SRGAP1: variants seen among roughly 807,000 people sequenced by gnomAD.
SRGAP1 encodes SLIT-ROBO Rho GTPase activating protein 1.
A neutral mutation model predicts 121.9 loss-of-function variants in SRGAP1; 43 were observed. That is an observed-to-expected ratio of 0.35 (90% CI 0.28 to 0.46). SRGAP1 has a LOEUF of 0.46. Among genes scored for constraint, SRGAP1 ranks in the 20% least tolerant of loss-of-function variants. The pLI is 1.00. For missense variants in SRGAP1, 1,102 were observed against 1,350.9 expected, an observed-to-expected ratio of 0.82 and a Z score of 2.89; for synonymous variants, 447 against 485.4, an observed-to-expected ratio of 0.92 and a Z score of 1.04.
chr12:63,846,932 C>G (rs749043931), intron 1 of SRGAP1, among the ~76,000 whole-genome samples: 1 of 152,160 alleles, frequency 6.6e-6, no homozygotes, highest in Non-Finnish European at 1.5e-5. Context: ...TACATGAGGC[C>G]AGCTGTCCAA....
chr12:63,985,527 C>T (rs189423993), intron 2 of SRGAP1, among the ~76,000 whole-genome samples: 1 of 152,302 alleles, frequency 6.6e-6, no homozygotes, highest in African/African-American at 2.4e-5. Flanking sequence ...TCTGTAAATA[C>T]AGCAGGCCAG....
chr12:63,928,209 G>T (rs2031332075), intron 1 of SRGAP1, among the ~76,000 whole-genome samples: 1 of 152,106 alleles, frequency 6.6e-6, no homozygotes, highest in African/African-American at 2.4e-5. Context: ...GTCACTCTGG[G>T]TATGCTTTGC....
chr12:63,889,785 G>A (rs1284987107), intron 1 of SRGAP1, among the ~76,000 whole-genome samples: 1 of 152,108 alleles, frequency 6.6e-6, no homozygotes, highest in African/African-American at 2.4e-5. Context: ...TGAAGCGCCT[G>A]TAATCCCAGC....
At chr12:63,940,478 C>T (rs2031826781) in intron 1 of SRGAP1, among the ~76,000 whole-genome samples, 1 of 149,982 alleles carries the variant, frequency 6.7e-6, no homozygotes, top group Non-Finnish European at 1.5e-5. Context: ...AGGGGATGGG[C>T]CATGTGTTAA....
At chr12:63,848,110 A>C (rs1438685887) in intron 1 of SRGAP1, among the ~76,000 whole-genome samples, 1 of 151,764 alleles carries the variant, frequency 6.6e-6, no homozygotes, top group Non-Finnish European at 1.5e-5. Context: ...GGTTCAAGTG[A>C]TTCTCCTGCC....
At position 64,041,275 on chromosome 12, in the gene SRGAP1, G is replaced by A. The variant is rs368049540; in HGVS notation, c.490-1515G>A. ...TATAGGAAAATATGCTGATATCTAA[G>A]TGGCAAAGGACATTGTAATCTAAAA... On this transcript the variant is annotated intron_variant, in intron 4 of 21. Coordinates refer to ENST00000355086, the MANE Select transcript of SRGAP1 (RefSeq NM_020762.4). Among the ~76,000 whole-genome samples the A allele has an allele frequency of 1.4e-3, 211 of 152,132 alleles. 2 individuals are homozygous for A. Among genetic ancestry groups the A allele is most frequent in the Middle Eastern group, 3.4e-3 (1 of 294 alleles).
intron 3 of SRGAP1, among the ~76,000 whole-genome samples, chr12:64,004,432 C>T (rs541311731): frequency 1.3e-5 from 2 of 152,196 alleles, no homozygotes; most frequent in East Asian, 3.9e-4. Context: ...AGTGCAGTGG[C>T]GTGGTCTCAG....
chr12:63,905,012 G>A (rs2030133634), intron 1 of SRGAP1, among the ~76,000 whole-genome samples: 1 of 152,094 alleles, frequency 6.6e-6, no homozygotes, highest in Non-Finnish European at 1.5e-5. Context: ...CTCCCCCAAA[G>A]GCAAATAGTA....
At chr12:63,860,537 A>G (rs1899408988) in intron 1 of SRGAP1, among the ~76,000 whole-genome samples, 1 of 152,192 alleles carries the variant, frequency 6.6e-6, no homozygotes, top group African/African-American at 2.4e-5. Flanking sequence ...TCAAGGAGAA[A>G]AAAATCTCAT....
chr12:63,990,508 G>A (rs776510428), intron 3 of SRGAP1, among the ~76,000 whole-genome samples: 16 of 152,050 alleles, frequency 1.1e-4, no homozygotes, highest in Non-Finnish European at 1.9e-4. Flanking sequence ...CTCCAGCCTG[G>A]GCGACAGAGT....
At chr12:64,133,572 A>ACCC (rs1592352522) in intron 21 of SRGAP1, among the ~76,000 whole-genome samples, 1 of 152,134 alleles carries the variant, frequency 6.6e-6, no homozygotes, top group Non-Finnish European at 1.5e-5. Context: ...TTACACAGTT[A>ACCC]CCCTGGTAAA....
At chr12:64,068,869 G>A (rs2035589426) in intron 8 of SRGAP1, among the ~76,000 whole-genome samples, 1 of 151,602 alleles carries the variant, frequency 6.6e-6, no homozygotes, top group Non-Finnish European at 1.5e-5. Context: ...AATTAGCCAG[G>A]CATGATGGCG....
In SRGAP1 at chr12:64,150,953, A is replaced by AAAAAAAAAAAAAC. The variant is rs2037114275; in HGVS notation, c.*8288_*8289insAAAAACAAAAAAA. 1 of 148,572 alleles carries AAAAAAAAAAAAAC rather than the reference A, an allele frequency of 6.7e-6. No homozygotes were observed. The highest frequency in any genetic ancestry group is 1.5e-5 in the Non-Finnish European group (1 of 66,816). The allele number at this position is 148,572 out of a possible 1,614,324, so 9.2% of individuals were successfully genotyped here. A position where few individuals can be genotyped will look rare whatever the true frequency, so the allele number is the denominator to read the frequency against. On this transcript the variant is annotated 3_prime_UTR_variant, in exon 22 of 22. Transcript: ENST00000355086. ...CTATCTCAAAAAAAAAAAAAAAAAA[A>AAAAAAAAAAAAAC]AAAAAAACATGGTCAAGATTTGTAA...
chr12:63,868,067 TTTTTTTTTTTTGTTTTTTTTTTTTTG>T (rs1565927677), intron 1 of SRGAP1, among the ~76,000 whole-genome samples: 15 of 101,032 alleles, frequency 1.5e-4, no homozygotes, highest in African/African-American at 5.7e-4. Context: ...TTTTTTTTTT[TTTTTTTTTTTTGTTTTTTTTTTTTTG>T]TTTTTTGAGA....
At position 64,142,881 on chromosome 12, in the gene SRGAP1, T is replaced by G; in HGVS notation, c.*209T>G. The stretch of plus-strand genomic sequence containing the variant: ...ATTTTTTTAAATAACTGGACATATG[T>G]CATTTTAAGGACAATAGAAACACTT... On this transcript the variant is annotated 3_prime_UTR_variant, in exon 22 of 22. Coordinates refer to ENST00000355086, the MANE Select transcript of SRGAP1 (RefSeq NM_020762.4). 1 of 645,518 alleles carries G rather than the reference T, an allele frequency of 1.5e-6. No individual in the cohort carries two copies. The highest frequency in any genetic ancestry group is 2.6e-6 in the Non-Finnish European group (1 of 389,028). 40.0% of individuals were successfully genotyped at this position (645,518 alleles called of 1,614,324 possible). A position where few individuals can be genotyped will look rare whatever the true frequency, so the allele number is the denominator to read the frequency against.
At chr12:63,905,268 G>A (rs2030146299) in intron 1 of SRGAP1, among the ~76,000 whole-genome samples, 1 of 152,142 alleles carries the variant, frequency 6.6e-6, no homozygotes, top group Non-Finnish European at 1.5e-5. Flanking sequence ...AAAATGTTAT[G>A]ATCATTTATC....
intron 4 of SRGAP1, among the ~76,000 whole-genome samples, chr12:64,026,882 A>G (rs1252716597): frequency 1.3e-5 from 2 of 152,094 alleles, no homozygotes; most frequent in Non-Finnish European, 2.9e-5. Flanking sequence ...AAAAAAAGAA[A>G]TGTTCAAATT....
chr12:63,947,689 A>T (rs780928263), intron 1 of SRGAP1, among the ~76,000 whole-genome samples: 11 of 152,166 alleles, frequency 7.2e-5, no homozygotes, highest in Non-Finnish European at 1.3e-4. Flanking sequence ...GTAGCTTTAA[A>T]ATAAGTCTTG....
At chr12:64,048,845 A>G (rs547523517) in intron 6 of SRGAP1, among the ~76,000 whole-genome samples, 1 of 152,140 alleles carries the variant, frequency 6.6e-6, no homozygotes, top group Non-Finnish European at 1.5e-5. Context: ...TTCTAAATTC[A>G]AATTTTAGAT....
Sources: gnomAD v4.1 joint callset for allele counts (sites outside exome capture counted in the v4.1 genomes callset) on GRCh38, gnomAD v4.1.1 for gene constraint, MANE v1.5 for transcripts, NCBI Gene and HGNC (gene_info 2026-07-23, HGNC 2026-07-21) for gene names.